The following PCDHGB6 variants were observed in gnomAD, a reference collection of about 807,000 sequenced individuals.
PCDHGB6 encodes protocadherin gamma subfamily B, 6.
PCDHGB6 carries 51 observed loss-of-function variants against 59.1 expected under a neutral mutation model. That is an observed-to-expected ratio of 0.86 (90% CI 0.69 to 1.09). The LOEUF (loss-of-function observed/expected upper bound fraction) is 1.09. PCDHGB6 is among the 50% of genes least tolerant of loss of function. PCDHGB6 has a pLI of 0.00. For missense variants in PCDHGB6, 1,148 were observed against 1,205.1 expected (o/e 0.95, Z 0.70); for synonymous variants, 466 against 495.1 (o/e 0.94, Z 0.78).
chr5:141,484,994 G>A (rs1257915410), intron 1 of PCDHGB6: 4 of 610,330 alleles, frequency 6.6e-6, no homozygotes, highest in Non-Finnish European at 1.2e-5. Context: ...GGTGGTGAAA[G>A]GCAGACAAAT....
At chr5:141,423,067 G>C (rs757110751) in intron 1 of PCDHGB6, 36 of 1,614,024 alleles carry the variant, frequency 2.2e-5, no homozygotes, top group Non-Finnish European at 2.9e-5. Context: ...TAAGGCCAGC[G>C]AGCCGGGACT....
intron 1 of PCDHGB6, among the ~76,000 whole-genome samples, chr5:141,456,808 C>CA (rs1316636483): frequency 6.6e-5 from 10 of 151,878 alleles, no homozygotes; most frequent in Admixed American, 6.6e-4. Flanking sequence ...ACTAAAAATA[C>CA]AAAAAATTAG....
At chr5:141,464,056 G>C (rs2154568334) in intron 1 of PCDHGB6, among the ~76,000 whole-genome samples, 1 of 152,210 alleles carries the variant, frequency 6.6e-6, no homozygotes, top group East Asian at 1.9e-4. Context: ...CCTGAGGTCA[G>C]GAGTTCAAGG....
At chr5:141,464,024 G>A (rs2099074308) in intron 1 of PCDHGB6, among the ~76,000 whole-genome samples, 1 of 151,996 alleles carries the variant, frequency 6.6e-6, no homozygotes, top group East Asian at 1.9e-4. Context: ...CCACACTTTG[G>A]GAGGCCAAGG....
At chr5:141,436,294 G>A (rs1205368824) in intron 1 of PCDHGB6, among the ~76,000 whole-genome samples, 1 of 152,142 alleles carries the variant, frequency 6.6e-6, no homozygotes, top group Non-Finnish European at 1.5e-5. Context: ...AAATCATTGA[G>A]AGTTAGAGCA....
chr5:141,477,295 G>A lies in PCDHGB6; in HGVS notation c.2419-17512G>A, dbSNP rs1207558247. On this transcript the variant is annotated intron_variant, in intron 1 of 3. Transcript: ENST00000520790. This position sits in a 1 kb window ranked among gnomAD's most constrained non-coding sequence, Gnocchi z 4.9. ...GGCTGGTGACCTGCGAAGTTCCACC[G>A]GGTCTCCCTTTCAGCCTTACTTCTT... is the stretch of plus-strand genomic sequence containing the variant. The A allele has an allele frequency of 8.1e-6, 13 of 1,613,990 alleles. No homozygotes were observed. Among genetic ancestry groups the A allele is most frequent in the Admixed American group, 3.3e-5 (2 of 59,990 alleles).
At chr5:141,478,412 TC>T in intron 1 of PCDHGB6, 2 of 1,611,958 alleles carry the variant, frequency 1.2e-6, no homozygotes, top group Non-Finnish European at 1.7e-6. Flanking sequence ...CACCACGGAC[TC>T]CCGCCGCAGC....
At chr5:141,414,564 C>G in intron 1 of PCDHGB6, 1 of 1,613,948 alleles carries the variant, frequency 6.2e-7, no homozygotes, top group East Asian at 2.2e-5. Context: ...CCTACTTTAC[C>G]TATATCCCAG....
intron 2 of PCDHGB6, among the ~76,000 whole-genome samples, chr5:141,499,214 C>T (rs1228581603): frequency 6.6e-6 from 1 of 152,074 alleles, no homozygotes; most frequent in Non-Finnish European, 1.5e-5. Flanking sequence ...TAACCCAGGC[C>T]CTGCCCTGCA....
At chr5:141,475,828 C>T (rs1319658902) in intron 1 of PCDHGB6, 1 of 387,614 alleles carries the variant, frequency 2.6e-6, no homozygotes, top group Admixed American at 4.3e-5. Context: ...GGCGCTAGCG[C>T]GTGTCCTGCT....
chr5:141,435,614 C>A, intron 1 of PCDHGB6, among the ~76,000 whole-genome samples: 1 of 152,056 alleles, frequency 6.6e-6, no homozygotes, highest in East Asian at 1.9e-4. Flanking sequence ...ACATTAAATT[C>A]CCCATAACTT....
At chr5:141,456,504 T>G (rs781368588) in intron 1 of PCDHGB6, among the ~76,000 whole-genome samples, 1 of 152,148 alleles carries the variant, frequency 6.6e-6, no homozygotes, top group Non-Finnish European at 1.5e-5. Context: ...GGTTAACCAA[T>G]TCCATAAAGA....
At chr5:141,450,014 T>A (rs867473620) in intron 1 of PCDHGB6, among the ~76,000 whole-genome samples, 7,114 of 149,588 alleles carry the variant, frequency 0.048, 422 homozygotes, top group African/African-American at 0.13. Context: ...CTCTTTTTTT[T>A]TTTTTTTTTT....
chr5:141,477,433 C>T lies in PCDHGB6; in HGVS notation c.2419-17374C>T, dbSNP rs1389102640. On this transcript the variant is annotated intron_variant, in intron 1 of 3. Transcript: ENST00000520790. The surrounding 1 kb of genome is among the most constrained non-coding windows in gnomAD (Gnocchi z 4.9). ...ACGCCGGAACCCCTTCCCTCTCAGCCCTTACAATAGTGCGTGTTCAAGTGT... is the reference window on the plus strand; with the variant it reads ...ACGCCGGAACCCCTTCCCTCTCAGCTCTTACAATAGTGCGTGTTCAAGTGT... 6.2e-7 allele frequency: 1 copy of T among 1,614,048 alleles called. No individual in the cohort carries two copies. The highest frequency in any genetic ancestry group is 2.2e-5 in the East Asian group (1 of 44,892).
intron 1 of PCDHGB6, among the ~76,000 whole-genome samples, chr5:141,466,790 A>C (rs1240777427): frequency 2.0e-5 from 3 of 152,210 alleles, no homozygotes; most frequent in Non-Finnish European, 2.9e-5. Context: ...TTAGTGCCTC[A>C]AACTAGATCC....
chr5:141,476,672 A>T lies in PCDHGB6; in HGVS notation c.2419-18135A>T. 6.2e-7 allele frequency: 1 copy of T among 1,614,206 alleles called. No individual in the cohort carries two copies. Among genetic ancestry groups the T allele is most frequent in the African/African-American group, 1.3e-5 (1 of 75,058 alleles). ...TGAATACTTTGCGCTTCGCGTGCAG[A>T]CGCGGGAGGACAGCACCAAGTACGC... On this transcript the variant is annotated intron_variant, in intron 1 of 3. Transcript: ENST00000520790. The surrounding 1 kb of genome is among the most constrained non-coding windows in gnomAD (Gnocchi z 7.6).
chr5:141,413,042 G>T, intron 1 of PCDHGB6: 1 of 857,566 alleles, frequency 1.2e-6, no homozygotes, highest in Non-Finnish European at 1.7e-6. Context: ...CTGCTGGGCT[G>T]CAGGGAAGCT....
rs144695545 is a variant in PCDHGB6, at chr5:141,487,156, C to G, written c.2419-7651C>G. ...CACCACTCTCTACCTCTGTTACTCT[C>G]TTAGTGTCCTTAGAGGAAGACACTC... On this transcript the variant is annotated intron_variant, in intron 1 of 3. Transcript: ENST00000520790. This position sits in a 1 kb window ranked among gnomAD's most constrained non-coding sequence, Gnocchi z 5.0. 105 of 1,613,896 alleles carry G rather than the reference C, an allele frequency of 6.5e-5. No homozygotes were observed. In the African/African-American group the frequency reaches 1.2e-3, roughly 18 times the overall value.
intron 1 of PCDHGB6, among the ~76,000 whole-genome samples, chr5:141,444,646 G>T (rs1023259048): frequency 1.3e-5 from 2 of 152,098 alleles, no homozygotes; most frequent in Non-Finnish European, 2.9e-5. Flanking sequence ...TGAGGTAGGG[G>T]TTGAAGTTAT....
Sources: gnomAD v4.1 joint callset for allele counts (sites outside exome capture counted in the v4.1 genomes callset) on GRCh38, gnomAD v4.1.1 for gene constraint, Gnocchi (gnomAD v3.1) non-coding constraint, MANE v1.5 for transcripts, NCBI Gene and HGNC (gene_info 2026-07-23, HGNC 2026-07-21) for gene names.